The following BMP2K variants were observed in gnomAD, a reference collection of about 807,000 sequenced individuals.
BMP2K encodes the protein BMP-2-inducible protein kinase.
In BMP2K, 74 loss-of-function variants were observed where a neutral mutation model predicts 116.0. The observed-to-expected ratio is 0.64, with a 90% CI of 0.53 to 0.77. BMP2K has a LOEUF of 0.77. Among genes scored for constraint, BMP2K ranks in the 30% least tolerant of loss-of-function variants. BMP2K has a pLI of 0.00. For missense variants in BMP2K, 1,365 were observed against 1,403.6 expected (o/e 0.97, Z 0.44); for synonymous variants, 486 against 502.5 (o/e 0.97, Z 0.44).
chr4:78,886,454 T>C lies in BMP2K; in HGVS notation c.1952-720T>C, dbSNP rs900638983. ...CCATATACATTTCTTATTATGCCTA[T>C]TGCCTATTATTTGTTTTTTCCACAC... On this transcript the variant is annotated intron_variant, in intron 14 of 15. Coordinates refer to ENST00000502613, the MANE Select transcript of BMP2K (RefSeq NM_198892.2). 2.6e-5 allele frequency among the ~76,000 whole-genome samples: 4 copies of C among 152,230 alleles called. No individual in the cohort carries two copies. In the South Asian group the frequency reaches 8.3e-4, roughly 32 times the overall value.
chr4:78,892,696 A>G (rs564742055), intron 15 of BMP2K, among the ~76,000 whole-genome samples: 2 of 152,346 alleles, frequency 1.3e-5, no homozygotes, highest in East Asian at 1.9e-4. Context: ...ATATTTTGCA[A>G]TAAAGAGAGG....
intron 1 of BMP2K, among the ~76,000 whole-genome samples, chr4:78,810,342 T>C (rs1729025332): frequency 6.6e-6 from 1 of 152,228 alleles, no homozygotes; most frequent in Non-Finnish European, 1.5e-5. Context: ...GTGTGGCCTC[T>C]AGATTACTAG....
chr4:78,815,397 T>G (rs1729289134), intron 1 of BMP2K, among the ~76,000 whole-genome samples: 1 of 152,170 alleles, frequency 6.6e-6, no homozygotes, highest in African/African-American at 2.4e-5. Flanking sequence ...TTTGATTTAC[T>G]TCTTTTTAAG....
At chr4:78,897,930 T>C (rs1733788789) in intron 15 of BMP2K, among the ~76,000 whole-genome samples, 1 of 152,222 alleles carries the variant, frequency 6.6e-6, no homozygotes, top group African/African-American at 2.4e-5. Context: ...AAGATGCAAA[T>C]GCTACAATAG....
chr4:78,776,847 C>T, intron 1 of BMP2K, 126 bp downstream of exon 1: 1 of 955,982 alleles, frequency 1.0e-6, no homozygotes, highest in Non-Finnish European at 1.3e-6. Flanking sequence ...GCCGGGCCAG[C>T]GGGGGCTCCT....
At position 78,912,432 on chromosome 4, in the gene BMP2K, C is replaced by T. The variant is rs545562105; in HGVS notation, c.*399C>T. ...CTAAAATTAGGGTTATTTCTACATA[C>T]ACTAGTTACACTTGTGAATTTTTTT... On this transcript the variant is annotated 3_prime_UTR_variant, in exon 16 of 16. Transcript: ENST00000502613. 9.3e-5 allele frequency: 15 copies of T among 161,444 alleles called. No homozygotes were observed. In the South Asian group the frequency reaches 2.9e-3, roughly 31 times the overall value. The allele number at this position is 161,444 out of a possible 1,614,324, so 10.0% of individuals were successfully genotyped here.
intron 15 of BMP2K, among the ~76,000 whole-genome samples, chr4:78,898,543 T>C (rs1253116807): frequency 1.3e-5 from 2 of 150,614 alleles, no homozygotes; most frequent in African/African-American, 4.9e-5. Flanking sequence ...ATATGATTAA[T>C]ACAGTCTAGA....
chr4:78,885,527 G>A (rs929174359), intron 14 of BMP2K, among the ~76,000 whole-genome samples: 1 of 152,052 alleles, frequency 6.6e-6, no homozygotes, highest in Non-Finnish European at 1.5e-5. Context: ...TGAACTTGGG[G>A]CTTTTTGCTT....
intron 15 of BMP2K, among the ~76,000 whole-genome samples, chr4:78,892,557 T>C (rs1224117685): frequency 1.3e-5 from 2 of 152,206 alleles, no homozygotes; most frequent in African/African-American, 4.8e-5. Context: ...TATGCTAAAA[T>C]TTTTATGTTT....
intron 1 of BMP2K, among the ~76,000 whole-genome samples, chr4:78,817,996 G>T (rs959661488): frequency 1.3e-5 from 2 of 151,982 alleles, no homozygotes; most frequent in African/African-American, 4.8e-5. Flanking sequence ...CAATTTTAAG[G>T]CTTTTCCTCC....
At chr4:78,814,613 G>A (rs764550194) in intron 1 of BMP2K, among the ~76,000 whole-genome samples, 1 of 152,010 alleles carries the variant, frequency 6.6e-6, no homozygotes, top group African/African-American at 2.4e-5. Context: ...GAAGAAGGAC[G>A]TGTTTGCTTC....
Position 78,914,581 on chromosome 4 carries a change from T to G in BMP2K, c.*2548T>G, listed in dbSNP as rs550977127. The G allele has an allele frequency of 6.6e-6, 1 of 151,950 alleles. No individual in the cohort carries two copies. The highest frequency in any genetic ancestry group is 1.5e-5 in the Non-Finnish European group (1 of 67,894). 9.4% of individuals were successfully genotyped at this position (151,950 alleles called of 1,614,324 possible). On this transcript the variant is annotated 3_prime_UTR_variant, in exon 16 of 16. Coordinates refer to ENST00000502613, the MANE Select transcript of BMP2K (RefSeq NM_198892.2). ...TATTCCCTTGTGAGAATTATGAGAA[T>G]AAAGCTCCCAAGATATGTGAAAGTG... is the stretch of plus-strand genomic sequence containing the variant.
At chr4:78,865,084 T>G (rs1416914526) in intron 9 of BMP2K, among the ~76,000 whole-genome samples, 1 of 152,180 alleles carries the variant, frequency 6.6e-6, no homozygotes, top group Non-Finnish European at 1.5e-5. Flanking sequence ...TGTTAAAAGT[T>G]TTGGCTTATT....
At chr4:78,821,499 CTTAA>C (rs945284158) in intron 1 of BMP2K, among the ~76,000 whole-genome samples, 2 of 152,136 alleles carry the variant, frequency 1.3e-5, no homozygotes, top group African/African-American at 4.8e-5. Context: ...TAGGCATTTA[CTTAA>C]TTCTTTGTTT....
At chr4:78,907,092 A>G (rs1254405928) in intron 15 of BMP2K, among the ~76,000 whole-genome samples, 1 of 152,208 alleles carries the variant, frequency 6.6e-6, no homozygotes, top group Non-Finnish European at 1.5e-5. Context: ...GAAACAACCT[A>G]AATATTCTAT....
At chr4:78,844,727 CTATA>C (rs1730915636) in intron 4 of BMP2K, among the ~76,000 whole-genome samples, 197 bp from the exon 5 acceptor site, 1 of 151,428 alleles carries the variant, frequency 6.6e-6, no homozygotes, top group Non-Finnish European at 1.5e-5. Flanking sequence ...TATCTTATGT[CTATA>C]TATGTGTGTG....
intron 9 of BMP2K, among the ~76,000 whole-genome samples, chr4:78,865,301 A>G (rs751061514): frequency 2.6e-5 from 4 of 152,094 alleles, no homozygotes; most frequent in Non-Finnish European, 4.4e-5. Context: ...TTCTGGGACT[A>G]TATTCTTTTT....
intron 14 of BMP2K, among the ~76,000 whole-genome samples, chr4:78,885,812 A>G (rs1162193594): frequency 6.6e-6 from 1 of 152,230 alleles, no homozygotes; most frequent in Non-Finnish European, 1.5e-5. Context: ...GACATCCTAC[A>G]AAAATCAGGA....
At chr4:78,796,381 T>A (rs1728274556) in intron 1 of BMP2K, among the ~76,000 whole-genome samples, 1 of 102,466 alleles carries the variant, frequency 9.8e-6, no homozygotes, top group South Asian at 3.4e-4. Flanking sequence ...CTCTGGGGAC[T>A]GTTGGGGGGT....
Sources: allele counts gnomAD v4.1 joint callset (sites outside exome capture counted in the v4.1 genomes callset), GRCh38; gene constraint gnomAD v4.1.1; transcripts MANE v1.5; gene names NCBI Gene and HGNC (gene_info 2026-07-23, HGNC 2026-07-21).